Variants in CDC42BPB observed in about 807,000 individuals in gnomAD.
The protein encoded by CDC42BPB is serine/threonine-protein kinase MRCK beta.
A neutral mutation model predicts 214.9 loss-of-function variants in CDC42BPB; 37 were observed. The ratio of observed to expected loss-of-function variants is 0.17; its 90% CI spans 0.13 to 0.23. The LOEUF is 0.23. CDC42BPB is among the 10% of genes least tolerant of loss of function. The pLI is 1.00. For missense variants in CDC42BPB, 1,694 were observed against 2,227.0 expected (o/e 0.76, Z 4.82); for synonymous variants, 931 against 884.0 (o/e 1.05, Z -0.94).
chr14:102,955,879 G>A (rs1325949613), intron 21 of CDC42BPB, among the ~76,000 whole-genome samples: 1 of 152,178 alleles, frequency 6.6e-6, no homozygotes, highest in Non-Finnish European at 1.5e-5. Flanking sequence ...TCCAACAGTT[G>A]CAATTAATTA....
Position 103,001,117 on chromosome 14 carries a change from CT to C in CDC42BPB, c.448-1405del, listed in dbSNP as rs1894959090. On this transcript the variant is annotated intron_variant, in intron 4 of 36. Coordinates refer to ENST00000361246, the MANE Select transcript of CDC42BPB (RefSeq NM_006035.4). The surrounding 1 kb of genome is among the most constrained non-coding windows in gnomAD (Gnocchi z 5.8). The stretch of plus-strand genomic sequence containing the variant: ...TCATCCCTTCCAAGCCTCTCCACAG[CT>C]GTCCCACCCTGTGGAGTCTTCCTCA... Among the ~76,000 whole-genome samples the C allele has an allele frequency of 6.6e-6, 1 of 152,240 alleles. No individual in the cohort carries two copies. The highest frequency in any genetic ancestry group is 2.4e-5 in the African/African-American group (1 of 41,460).
At chr14:102,952,414 G>T in intron 24 of CDC42BPB, 84 bp downstream of exon 24, 1 of 819,266 alleles carries the variant, frequency 1.2e-6, no homozygotes, top group Admixed American at 2.2e-5. Context: ...CTTGCATCAG[G>T]GCTGCCCTGG....
At chr14:102,977,311 C>T (rs1207701258) in intron 9 of CDC42BPB, among the ~76,000 whole-genome samples, 1 of 146,484 alleles carries the variant, frequency 6.8e-6, no homozygotes, top group Non-Finnish European at 1.5e-5. Flanking sequence ...TGCACTCCAG[C>T]CTGGGCGACA....
chr14:102,942,349 T>C (rs886601070), intron 30 of CDC42BPB, among the ~76,000 whole-genome samples: 2 of 152,226 alleles, frequency 1.3e-5, no homozygotes, highest in Non-Finnish European at 2.9e-5. Context: ...GCCCTGGGTA[T>C]GATGCCGTCT....
chr14:102,992,330 G>A (rs1293786040), intron 5 of CDC42BPB, among the ~76,000 whole-genome samples: 1 of 152,194 alleles, frequency 6.6e-6, no homozygotes, highest in East Asian at 1.9e-4. Context: ...CCCAACTACA[G>A]ATAACAGTGA....
At chr14:102,956,425 TAAG>T in intron 21 of CDC42BPB, 1 of 984,064 alleles carries the variant, frequency 1.0e-6, no homozygotes, top group African/African-American at 1.7e-5. Context: ...CAGCGTGGGA[TAAG>T]AAGTTTCTCA....
intron 14 of CDC42BPB, among the ~76,000 whole-genome samples, chr14:102,969,040 G>A (rs958621111): frequency 2.0e-5 from 3 of 152,264 alleles, no homozygotes; most frequent in African/African-American, 7.2e-5. Context: ...GGGTGACACT[G>A]AGGTCTCTGC....
At position 102,969,867 on chromosome 14, in the gene CDC42BPB, G is replaced by C. The variant is rs146855184; in HGVS notation, c.1995+284C>G. 5.6e-3 allele frequency among the ~76,000 whole-genome samples: 856 copies of C among 152,378 alleles called. 6 individuals carry two copies. The highest frequency in any genetic ancestry group is 8.9e-3 in the Admixed American group (137 of 15,308). ...AGAAGGCTATGAATTGATGGGGCTG[G>C]AGTAGGAAATGAGCCAATTAGATAT... is the stretch of plus-strand genomic sequence containing the variant. On this transcript the variant is annotated intron_variant, in intron 14 of 36. Transcript: ENST00000361246.
chr14:103,019,930 C>T (rs1035666767), intron 1 of CDC42BPB, among the ~76,000 whole-genome samples: 13 of 152,134 alleles, frequency 8.5e-5, no homozygotes, highest in African/African-American at 1.7e-4. Flanking sequence ...GAACTGCAGG[C>T]GGAGGGAGGA....
At chr14:102,949,551 C>T (rs892218507) in intron 26 of CDC42BPB, among the ~76,000 whole-genome samples, 4 of 152,172 alleles carry the variant, frequency 2.6e-5, no homozygotes, top group Admixed American at 2.0e-4. Flanking sequence ...ACAGCGCTCC[C>T]GTTCCTGCGC....
At chr14:102,993,384 G>A (rs1035320115) in intron 5 of CDC42BPB, among the ~76,000 whole-genome samples, 6 of 152,192 alleles carry the variant, frequency 3.9e-5, no homozygotes, top group African/African-American at 7.2e-5. Context: ...CATGGGATGC[G>A]AGGCTTCTGG....
At chr14:102,998,232 G>T (rs1011207618) in intron 5 of CDC42BPB, among the ~76,000 whole-genome samples, 17 of 152,314 alleles carry the variant, frequency 1.1e-4, no homozygotes, top group African/African-American at 3.8e-4. Context: ...AGGTAATTAT[G>T]TAAAAGAGTT....
chr14:102,935,022 A>C (rs940538260), intron 36 of CDC42BPB, among the ~76,000 whole-genome samples: 2 of 151,688 alleles, frequency 1.3e-5, no homozygotes, highest in Non-Finnish European at 2.9e-5. Flanking sequence ...TCAAAAAAAA[A>C]AAAAAAAGAA....
Position 102,973,396 on chromosome 14 carries a change from T to C in CDC42BPB, c.1641+620A>G, listed in dbSNP as rs140388259. Among the ~76,000 whole-genome samples the C allele has an allele frequency of 7.2e-4, 110 of 152,388 alleles. 1 individual carries two copies. The highest frequency in any genetic ancestry group is 1.2e-3 in the Admixed American group (19 of 15,314). On this transcript the variant is annotated intron_variant, in intron 12 of 36. Coordinates refer to ENST00000361246, the MANE Select transcript of CDC42BPB (RefSeq NM_006035.4). ...GAAAACACGCATATAATTGTGTTAG[T>C]AACATGCTGACACCTGAGCATAAAA...
chr14:103,021,665 G>C (rs1886779661), intron 1 of CDC42BPB, among the ~76,000 whole-genome samples: 1 of 130,318 alleles, frequency 7.7e-6, no homozygotes, highest in African/African-American at 3.0e-5. Flanking sequence ...GGGCAACAAA[G>C]CAAGACCTAG....
intron 5 of CDC42BPB, among the ~76,000 whole-genome samples, chr14:102,988,848 C>A (rs967101190): frequency 1.8e-5 from 2 of 111,170 alleles, no homozygotes; most frequent in Admixed American, 9.3e-5. Context: ...TACTAAAAAA[C>A]AAAACAAAAC....
chr14:103,018,753 A>T (rs1185418050), intron 1 of CDC42BPB, among the ~76,000 whole-genome samples: 1 of 152,138 alleles, frequency 6.6e-6, no homozygotes, highest in Non-Finnish European at 1.5e-5. Context: ...TCGTGAAGAG[A>T]CCATCTCAAA....
At position 102,967,006 on chromosome 14, in the gene CDC42BPB, G is replaced by A. The variant is rs571027209; in HGVS notation, c.2471+40C>T. The A allele has an allele frequency of 1.7e-5, 27 of 1,601,748 alleles. No individual in the cohort carries two copies. The South Asian group carries it at 2.5e-4, about 15-fold the overall frequency. On this transcript the variant is annotated intron_variant, in intron 17 of 36. Transcript: ENST00000361246. ...CGGGGCAGACCCCATGGACTGAGCAGGGAGCGGATTCACGGCCGCTAATGG... is the reference window on the plus strand; with the variant it reads ...CGGGGCAGACCCCATGGACTGAGCAAGGAGCGGATTCACGGCCGCTAATGG...
At position 102,966,339 on chromosome 14, in the gene CDC42BPB, G is replaced by T; in HGVS notation, c.2520C>A (p.Ser840=). 2 of 1,614,062 alleles carry T rather than the reference G, an allele frequency of 1.2e-6. No individual in the cohort carries two copies. The highest frequency in any genetic ancestry group is 1.7e-6 in the Non-Finnish European group (2 of 1,179,956). The part of the protein sequence containing the change: ...DARGYLQALA[S]KMTEELEALR... ...AAGCCTCGAGCTCTTCGGTCATCTT[G>T]GAAGCAAGAGCTTGAAGGTAACCCC... Residue 840 remains serine (S), a synonymous_variant, in exon 18 of 37, where the codon TCC becomes TCA. Coordinates refer to ENST00000361246, the MANE Select transcript of CDC42BPB (RefSeq NM_006035.4).
Sources: allele counts gnomAD v4.1 joint callset (sites outside exome capture counted in the v4.1 genomes callset), GRCh38; gene constraint gnomAD v4.1.1; non-coding constraint Gnocchi (gnomAD v3.1); transcripts MANE v1.5; gene names NCBI Gene and HGNC (gene_info 2026-07-23, HGNC 2026-07-21).